LACTBL1: variants seen among roughly 807,000 people sequenced by gnomAD.
LACTBL1 encodes the protein beta-lactamase-like protein 1.
LACTBL1 carries 29 observed loss-of-function variants against 39.6 expected under a neutral mutation model. The ratio of observed to expected loss-of-function variants is 0.73; its 90% CI spans 0.55 to 1.00. LACTBL1 has a LOEUF of 1.00. Among genes scored for constraint, LACTBL1 ranks in the 50% least tolerant of loss-of-function variants. The pLI, the probability that LACTBL1 is intolerant of heterozygous loss-of-function variation, is 0.00. For synonymous variants in LACTBL1, 361 were observed against 360.7 expected, an observed-to-expected ratio of 1.00 and a Z score of -0.01; for missense variants, 711 against 748.5, an observed-to-expected ratio of 0.95 and a Z score of 0.59.
At chr1:22,957,290 T>C (rs1000253273) in intron 4 of LACTBL1, among the ~76,000 whole-genome samples, 18 of 152,142 alleles carry the variant, frequency 1.2e-4, no homozygotes, top group Non-Finnish European at 2.2e-4. Context: ...GTTTCAGCCT[T>C]TTGCTATTAC....
exon 6 of LACTBL1, chr1:22,953,898 G>T: frequency 1.3e-6 from 2 of 1,550,224 alleles, no homozygotes; most frequent in Non-Finnish European, 1.7e-6. Context: ...TGAGGTCAAA[G>T]CCCGTGTCTG....
At chr1:22,972,242 G>A in the LACTBL1 span, 1 of 960,560 alleles carries the variant, frequency 1.0e-6, no homozygotes, top group Non-Finnish European at 1.2e-6. Flanking sequence ...GAAGGACGGT[G>A]GCATGGTCAG....
intron 5 of LACTBL1, among the ~76,000 whole-genome samples, chr1:22,954,513 C>G (rs764015242): frequency 6.6e-5 from 10 of 152,180 alleles, no homozygotes; most frequent in Admixed American, 2.0e-4. Context: ...ATCTCTAAAA[C>G]AGAAAGGTGC....
At chr1:22,971,116 T>A in the LACTBL1 span, among the ~76,000 whole-genome samples, 1 of 152,196 alleles carries the variant, frequency 6.6e-6, no homozygotes, top group Admixed American at 6.5e-5. Context: ...GATCCTTAGC[T>A]TATTTTTAGG....
the LACTBL1 span, among the ~76,000 whole-genome samples, chr1:22,970,488 G>T: frequency 2.0e-5 from 3 of 152,166 alleles, no homozygotes; most frequent in Non-Finnish European, 4.4e-5. Flanking sequence ...ACTTTGGGGA[G>T]GTCATGGAAC....
At chr1:22,961,525 G>T (rs567209137) in intron 2 of LACTBL1, among the ~76,000 whole-genome samples, 1 of 152,108 alleles carries the variant, frequency 6.6e-6, no homozygotes, top group South Asian at 2.1e-4. Flanking sequence ...CACCACGTGT[G>T]GCTAATTTTT....
chr1:22,955,408 C>A, exon 5 of LACTBL1: 2 of 1,549,916 alleles, frequency 1.3e-6, no homozygotes, highest in South Asian at 1.2e-5. Flanking sequence ...TGAAGTGGAG[C>A]GCAGCCTTCT....
intron 1 of LACTBL1, 124 bp downstream of exon 3, chr1:22,965,166 T>C: frequency 2.4e-6 from 2 of 822,972 alleles, no homozygotes; most frequent in Non-Finnish European, 3.3e-6. Context: ...CAGAATGGAG[T>C]CCAGAGCTTC....
chr1:22,965,771 G>A (rs1418656223), upstream of LACTBL1, among the ~76,000 whole-genome samples: 1 of 152,158 alleles, frequency 6.6e-6, no homozygotes, highest in Non-Finnish European at 1.5e-5. Flanking sequence ...ACCCAAGACT[G>A]AGTAATTTAT....
At chr1:22,968,034 A>G (rs1363048442), upstream of LACTBL1, among the ~76,000 whole-genome samples, 1 of 152,176 alleles carries the variant, frequency 6.6e-6, no homozygotes, top group Non-Finnish European at 1.5e-5. Flanking sequence ...GGTGTTTATC[A>G]TAATTATGCA....
chr1:22,969,215 G>T (rs536958827), upstream of LACTBL1, among the ~76,000 whole-genome samples: 44 of 152,284 alleles, frequency 2.9e-4, 1 homozygote, highest in Non-Finnish European at 5.6e-4. Flanking sequence ...TTTCACAGAG[G>T]TCAGAAATAG....
rs972228875 is a variant in LACTBL1 at position 22,953,409 on chromosome 1, G to T, written c.1275C>A (p.Thr425=). Residue 425 remains threonine (T), a synonymous_variant, in exon 6 of 6, where the codon ACC becomes ACA. Transcript: ENST00000426928. The stretch of plus-strand genomic sequence containing the variant: ...TGAAGTAGCCGGCGAAGGGGTGCGC[G>T]GTGGGCGGCGGAGCCGGGCCGGGCT... 4 of 1,227,784 alleles carry T rather than the reference G, an allele frequency of 3.3e-6. No homozygotes were observed. In the African/African-American group the frequency reaches 6.2e-5, roughly 19 times the overall value. 76.1% of individuals were successfully genotyped at this position (1,227,784 alleles called of 1,614,324 possible).
chr1:22,971,571 C>T, the LACTBL1 span, among the ~76,000 whole-genome samples: 1 of 152,168 alleles, frequency 6.6e-6, no homozygotes, highest in Non-Finnish European at 1.5e-5. Flanking sequence ...CTTCCTCATG[C>T]TCACGGCCCA....
intron 1 of LACTBL1, 114 bp from the exon 4 acceptor site, chr1:22,963,330 C>T (rs1333201581): frequency 3.3e-5 from 17 of 517,420 alleles, no homozygotes; most frequent in South Asian, 2.5e-4. Context: ...CCAGCCGAGC[C>T]GAGCCGGGGG....
exon 6 of LACTBL1, chr1:22,953,603 G>C (rs1315340263): frequency 7.9e-7 from 1 of 1,259,380 alleles, no homozygotes; most frequent in African/African-American, 1.6e-5. Context: ...CCGTCCTTGC[G>C]CACCACGCGG....
chr1:22,962,700 C>G lies in LACTBL1; in HGVS notation c.159+407G>C, dbSNP rs113076764. On this transcript the variant is annotated intron_variant, in intron 2 of 5. Coordinates refer to ENST00000426928, the Ensembl canonical transcript of LACTBL1. Reference sequence around the variant, plus strand: ...GCTGTTCCATCTGTCTGGAGCACACCTCTCCATCCCCAGGGTCCCTCACCA... The same window carrying G: ...GCTGTTCCATCTGTCTGGAGCACACGTCTCCATCCCCAGGGTCCCTCACCA... Among the ~76,000 whole-genome samples, 281 of 152,178 alleles carry G rather than the reference C, an allele frequency of 1.8e-3. 3 individuals carry two copies. The highest frequency in any genetic ancestry group is 6.4e-3 in the African/African-American group (264 of 41,484).
exon 4 of LACTBL1, chr1:22,958,837 G>C (rs760527231): frequency 6.4e-7 from 1 of 1,550,550 alleles, no homozygotes; most frequent in African/African-American, 1.4e-5. Flanking sequence ...CCGCTCCAGA[G>C]GGTCATCTAG....
intron 4 of LACTBL1, 23 bp from the exon 7 acceptor site, chr1:22,955,449 CT>C: frequency 6.6e-7 from 1 of 1,512,512 alleles, no homozygotes; most frequent in Non-Finnish European, 9.0e-7. Context: ...AGTGGTCAGA[CT>C]TACCGGGCCC....
upstream of LACTBL1, among the ~76,000 whole-genome samples, chr1:22,969,639 C>T (rs1640918898): frequency 6.6e-6 from 1 of 152,052 alleles, no homozygotes; most frequent in Non-Finnish European, 1.5e-5. Flanking sequence ...ATGCCCCCAC[C>T]TCCCGCATCA....
Sources: allele counts gnomAD v4.1 joint callset (sites outside exome capture counted in the v4.1 genomes callset), GRCh38; gene constraint gnomAD v4.1.1; transcripts MANE v1.5; gene names NCBI Gene and HGNC (gene_info 2026-07-23, HGNC 2026-07-21).